Variants in PLCB4 observed in about 807,000 individuals in gnomAD.
PLCB4 encodes phospholipase C beta 4.
In PLCB4, 77 loss-of-function variants were observed where a neutral mutation model predicts 178.8. The ratio of observed to expected loss-of-function variants is 0.43; its 90% CI spans 0.36 to 0.52. The LOEUF is 0.52. PLCB4 is among the 20% of genes least tolerant of loss of function. PLCB4 has a pLI of 0.00. For synonymous variants in PLCB4, 496 were observed against 490.8 expected, an observed-to-expected ratio of 1.01 and a Z score of -0.14; for missense variants, 1,024 against 1,453.4, an observed-to-expected ratio of 0.70 and a Z score of 4.80.
intron 2 of PLCB4, among the ~76,000 whole-genome samples, chr20:9,192,601 C>A (rs1319820229): frequency 6.8e-6 from 1 of 147,508 alleles, no homozygotes; most frequent in Non-Finnish European, 1.5e-5. Flanking sequence ...TCACCGTTCA[C>A]TGTAGCCTCG....
At chr20:9,150,602 G>A (rs139928284) in intron 2 of PLCB4, among the ~76,000 whole-genome samples, 44 of 152,112 alleles carry the variant, frequency 2.9e-4, no homozygotes, top group Middle Eastern at 3.4e-3. Context: ...AACATGCATC[G>A]TCTCGTCAGT....
At chr20:9,446,312 A>G (rs1233055926) in intron 32 of PLCB4, among the ~76,000 whole-genome samples, 2 of 152,192 alleles carry the variant, frequency 1.3e-5, no homozygotes, top group Non-Finnish European at 2.9e-5. Flanking sequence ...TGGGATGCTC[A>G]CTAAGTGGAC....
chr20:9,329,065 G>T (rs1055030354), intron 4 of PLCB4, among the ~76,000 whole-genome samples: 1 of 152,222 alleles, frequency 6.6e-6, no homozygotes, highest in Non-Finnish European at 1.5e-5. Context: ...TATGCAGATG[G>T]TTATTCTAGC....
intron 2 of PLCB4, among the ~76,000 whole-genome samples, chr20:9,188,284 G>C (rs1011551275): frequency 2.0e-5 from 3 of 152,198 alleles, no homozygotes; most frequent in Admixed American, 1.3e-4. Flanking sequence ...GAAATAATTA[G>C]CCCTATAGGT....
chr20:9,071,567 C>T (rs1340704101), intron 1 of PLCB4, among the ~76,000 whole-genome samples: 1 of 152,064 alleles, frequency 6.6e-6, no homozygotes, highest in Non-Finnish European at 1.5e-5. Flanking sequence ...TCTGAATTTT[C>T]ATCCCCAGTT....
chr20:9,094,112 C>T (rs1021102457), intron 1 of PLCB4, among the ~76,000 whole-genome samples: 13 of 152,042 alleles, frequency 8.6e-5, no homozygotes, highest in African/African-American at 3.1e-4. Flanking sequence ...CACATTGATA[C>T]TAATGATATG....
At chr20:9,207,515 CCT>C (rs1252545369) in intron 2 of PLCB4, among the ~76,000 whole-genome samples, 2 of 152,240 alleles carry the variant, frequency 1.3e-5, no homozygotes, top group African/African-American at 4.8e-5. Flanking sequence ...CCTCCAGTGA[CCT>C]ATTACTATTA....
chr20:9,263,954 T>G (rs902041627), intron 3 of PLCB4, among the ~76,000 whole-genome samples: 4 of 152,324 alleles, frequency 2.6e-5, no homozygotes, highest in African/African-American at 9.6e-5. Flanking sequence ...TTACTTATAT[T>G]CAATCATTAT....
chr20:9,471,310 T>C (rs759105081), intron 36 of PLCB4, among the ~76,000 whole-genome samples: 29 of 151,240 alleles, frequency 1.9e-4, no homozygotes, highest in Non-Finnish European at 5.9e-5. Flanking sequence ...CAAAAAATAC[T>C]GAAATAGAAA....
intron 2 of PLCB4, among the ~76,000 whole-genome samples, chr20:9,105,153 G>A (rs1270753752): frequency 3.3e-5 from 5 of 151,922 alleles, no homozygotes; most frequent in East Asian, 1.9e-4. Flanking sequence ...CTGGTTAGCC[G>A]CAAACTAAAT....
chr20:9,425,802 T>A (rs1382686793), intron 28 of PLCB4, among the ~76,000 whole-genome samples: 1 of 152,254 alleles, frequency 6.6e-6, no homozygotes, highest in Admixed American at 6.5e-5. Context: ...TTATTTTATA[T>A]GTGAAGAAAC....
Position 9,389,904 on chromosome 20 carries a change from C to A in PLCB4, c.1184C>A (p.Thr395Asn). 1 of 1,582,732 alleles carries A rather than the reference C, an allele frequency of 6.3e-7. No individual in the cohort carries two copies. The highest frequency in any genetic ancestry group is 8.7e-7 in the Non-Finnish European group (1 of 1,154,646). Residue 395 changes from threonine (T) to asparagine (N), a missense_variant, in exon 16 of 40, where the codon ACT becomes AAT. By Grantham distance (65) the Thr-to-Asn change is moderately conservative (BLOSUM62 0). Transcript: ENST00000378473. ...GATGTAATTCAAGCCATCAAGGAAACTGCATTTGTCACATCAGAATATCCT... is the reference window on the plus strand; with the variant it reads ...GATGTAATTCAAGCCATCAAGGAAAATGCATTTGTCACATCAGAATATCCT... The part of the protein sequence containing the change: ...FKDVIQAIKE[T>N]AFVTSEYPVI...
At chr20:9,092,536 G>T (rs768636959) in intron 1 of PLCB4, among the ~76,000 whole-genome samples, 3 of 152,104 alleles carry the variant, frequency 2.0e-5, no homozygotes, top group Non-Finnish European at 4.4e-5. Flanking sequence ...CAGCTTCTCA[G>T]GATACAGAAG....
In PLCB4 at chr20:9,411,357, G is replaced by T. The variant is rs115076933; in HGVS notation, c.2051+269G>T. The stretch of plus-strand genomic sequence containing the variant: ...TAATCCTCTCACTTTAAAATCAATA[G>T]TGGAGGATTTTATGTCTGGGACAGG... On this transcript the variant is annotated intron_variant, in intron 25 of 39. Coordinates refer to ENST00000378473, the MANE Select transcript of PLCB4 (RefSeq NM_001377142.1). 7.4e-3 allele frequency among the ~76,000 whole-genome samples: 1,121 copies of T among 152,274 alleles called. 22 individuals are homozygous for T. Among genetic ancestry groups the T allele is most frequent in the African/African-American group, 0.026 (1,062 of 41,538 alleles).
intron 5 of PLCB4, among the ~76,000 whole-genome samples, chr20:9,337,447 T>C (rs1417687408): frequency 6.6e-6 from 1 of 152,210 alleles, no homozygotes; most frequent in Non-Finnish European, 1.5e-5. Flanking sequence ...AGTCATTGAA[T>C]GTTGTGAAAG....
intron 2 of PLCB4, among the ~76,000 whole-genome samples, chr20:9,115,758 G>A (rs1012013709): frequency 1.3e-5 from 2 of 151,598 alleles, no homozygotes; most frequent in Admixed American, 1.3e-4. Flanking sequence ...TTATTGATGG[G>A]CTTGATTCTT....
intron 2 of PLCB4, among the ~76,000 whole-genome samples, chr20:9,161,210 T>G (rs2092882472): frequency 6.6e-6 from 1 of 152,228 alleles, no homozygotes. Flanking sequence ...ATAATGGGGC[T>G]AGGGTTTGAA....
intron 13 of PLCB4, 64 bp downstream of exon 13, chr20:9,380,226 G>C: frequency 3.6e-6 from 3 of 821,970 alleles, no homozygotes; most frequent in Non-Finnish European, 3.9e-6. Flanking sequence ...TTAAAGCCTT[G>C]GTTTATTTAA....
At chr20:9,303,410 T>G (rs1158259489) in intron 3 of PLCB4, among the ~76,000 whole-genome samples, 1 of 152,200 alleles carries the variant, frequency 6.6e-6, no homozygotes, top group Non-Finnish European at 1.5e-5. Context: ...TGTTATAGAT[T>G]CCACATGTAA....
Sources: allele counts gnomAD v4.1 joint callset (sites outside exome capture counted in the v4.1 genomes callset), GRCh38; gene constraint gnomAD v4.1.1; transcripts MANE v1.5; gene names NCBI Gene and HGNC (gene_info 2026-07-23, HGNC 2026-07-21).